Variants in TP63 observed in about 807,000 individuals in gnomAD.
The protein encoded by TP63 is tumor protein 63.
A neutral mutation model predicts 82.8 loss-of-function variants in TP63; 17 were observed. The ratio of observed to expected loss-of-function variants is 0.21; its 90% CI spans 0.14 to 0.31. TP63 has a LOEUF of 0.31. Ranked by LOEUF, TP63 falls within the 10% of genes least tolerant of loss-of-function variation. The pLI, the probability that TP63 is intolerant of heterozygous loss-of-function variation, is 1.00. For synonymous variants in TP63, 330 were observed against 321.7 expected (o/e 1.03, Z -0.28); for missense variants, 648 against 895.3 (o/e 0.72, Z 3.52).
intron 4 of TP63, among the ~76,000 whole-genome samples, chr3:189,857,522 T>G (rs1263437166): frequency 6.6e-6 from 1 of 152,160 alleles, no homozygotes; most frequent in Non-Finnish European, 1.5e-5. Context: ...TTAAGTATTT[T>G]GGGAAAGCAG....
At chr3:189,857,649 C>A (rs1467366698) in intron 4 of TP63, among the ~76,000 whole-genome samples, 2 of 152,062 alleles carry the variant, frequency 1.3e-5, no homozygotes, top group Non-Finnish European at 2.9e-5. Context: ...ACAAAAGCAA[C>A]CTAACTGACA....
the TP63 span, among the ~76,000 whole-genome samples, chr3:189,618,358 A>C: frequency 6.6e-6 from 1 of 152,284 alleles, no homozygotes; most frequent in South Asian, 2.1e-4. Flanking sequence ...TCAGCCTCCT[A>C]CTGACCCATT....
intron 1 of TP63, among the ~76,000 whole-genome samples, chr3:189,708,290 G>A (rs1577278823): frequency 6.6e-6 from 1 of 152,226 alleles, no homozygotes; most frequent in South Asian, 2.1e-4. Flanking sequence ...AGAAATACAC[G>A]GACTTAAGGA....
the TP63 span, among the ~76,000 whole-genome samples, chr3:189,620,384 A>T: frequency 6.6e-6 from 1 of 151,748 alleles, no homozygotes; most frequent in African/African-American, 2.4e-5. Flanking sequence ...TTAGCTGAGC[A>T]TGGTAGTCCC....
chr3:189,887,378 AACTC>A (rs1325528731), intron 11 of TP63, among the ~76,000 whole-genome samples: 3 of 152,110 alleles, frequency 2.0e-5, no homozygotes, highest in Non-Finnish European at 4.4e-5. Context: ...TGGCCTTTTA[AACTC>A]ACCTATTCTA....
chr3:189,750,700 C>T (rs1477924521), intron 3 of TP63, among the ~76,000 whole-genome samples: 3 of 152,102 alleles, frequency 2.0e-5, no homozygotes, highest in Non-Finnish European at 4.4e-5. Flanking sequence ...GTTAACCCCA[C>T]CATTGAGAGA....
At chr3:189,729,731 T>A (rs1384313740) in intron 1 of TP63, among the ~76,000 whole-genome samples, 1 of 152,088 alleles carries the variant, frequency 6.6e-6, no homozygotes, top group African/African-American at 2.4e-5. Context: ...AAGGAAAGAT[T>A]TCCATCTAAG....
intron 1 of TP63, among the ~76,000 whole-genome samples, chr3:189,662,581 A>C (rs1174936909): frequency 6.6e-6 from 1 of 152,072 alleles, no homozygotes; most frequent in East Asian, 1.9e-4. Context: ...TTCTGAATAA[A>C]CATCTAGTGT....
At chr3:189,866,601 C>T (rs1717756183) in intron 5 of TP63, 81 bp from the exon 6 acceptor site, 1 of 1,283,654 alleles carries the variant, frequency 7.8e-7, no homozygotes, top group Admixed American at 1.9e-5. Flanking sequence ...TTGCCACCAA[C>T]ATCCTGTTCA....
At chr3:189,604,698 G>A in the TP63 span, among the ~76,000 whole-genome samples, 4 of 152,148 alleles carry the variant, frequency 2.6e-5, no homozygotes. Context: ...TTGAGATTGA[G>A]TTTAGAAAAT....
intron 4 of TP63, among the ~76,000 whole-genome samples, chr3:189,813,564 T>G (rs1456433078): frequency 6.6e-6 from 1 of 151,674 alleles, no homozygotes. Context: ...GAGTACTCTC[T>G]GTGTGCATAC....
In TP63 at chr3:189,890,840, GGGGCTGACCACCATC is replaced by G; in HGVS notation, c.1705_1719del (p.Gly569_Ile573del). On this transcript the variant is annotated inframe_deletion, in exon 13 of 14. Coordinates refer to ENST00000264731, the MANE Select transcript of TP63 (RefSeq NM_003722.5). ...CATGTCTGGACTATTTCACGACCCA[GGGGCTGACCACCATC>G]TATCAGATTGAGCATTACTCCATGG... The G allele has an allele frequency of 6.2e-7, 1 of 1,614,020 alleles. No homozygotes were observed. The highest frequency in any genetic ancestry group is 8.5e-7 in the Non-Finnish European group (1 of 1,179,990).
chr3:189,749,554 G>A (rs779813791), intron 3 of TP63, among the ~76,000 whole-genome samples: 1 of 152,160 alleles, frequency 6.6e-6, no homozygotes. Flanking sequence ...TATTGAGGAT[G>A]CAGAGAAAAA....
the TP63 span, among the ~76,000 whole-genome samples, chr3:189,604,817 A>G: frequency 7.2e-5 from 11 of 152,220 alleles, no homozygotes; most frequent in Admixed American, 1.3e-4. Context: ...AAACTTTCAT[A>G]TAAATTATTT....
intron 3 of TP63, among the ~76,000 whole-genome samples, chr3:189,780,166 TAAAG>T (rs148395192): frequency 0.17 from 25,637 of 152,154 alleles, 2,854 homozygotes; most frequent in Middle Eastern, 0.27. Context: ...ATGTGGGTGT[TAAAG>T]AATGTGTTTG....
intron 1 of TP63, among the ~76,000 whole-genome samples, chr3:189,659,631 C>T (rs536078270): frequency 1.3e-5 from 2 of 152,156 alleles, no homozygotes; most frequent in Admixed American, 6.6e-5. Context: ...TTTGAGAAAT[C>T]TCCTAATTGC....
At position 189,807,487 on chromosome 3, in the gene TP63, G is replaced by A. The variant is rs1435695219; in HGVS notation, c.325-785G>A. 2.0e-5 allele frequency among the ~76,000 whole-genome samples: 3 copies of A among 152,276 alleles called. No homozygotes were observed. In the East Asian group the frequency reaches 5.8e-4, roughly 29 times the overall value. ...ACGTTTGGCAGAAGGAAATACATGAGCTAATGTATTTTTGAATTATATTGA... is the reference window on the plus strand; with the variant it reads ...ACGTTTGGCAGAAGGAAATACATGAACTAATGTATTTTTGAATTATATTGA... On this transcript the variant is annotated intron_variant, in intron 3 of 13. Coordinates refer to ENST00000264731, the MANE Select transcript of TP63 (RefSeq NM_003722.5).
rs1288178862 is a variant in TP63 at position 189,897,253 on chromosome 3, A to C, written c.*2751A>C. The C allele has an allele frequency of 5.1e-6, 1 of 196,164 alleles. No individual in the cohort carries two copies. Among genetic ancestry groups the C allele is most frequent in the Non-Finnish European group, 1.1e-5 (1 of 94,276 alleles). 12.2% of individuals were successfully genotyped at this position (196,164 alleles called of 1,614,324 possible). ...CCAGGACATGCAATAAAATTTAAAAAATAAATAAAAACTAATTAAGAAATT... is the reference window on the plus strand; with the variant it reads ...CCAGGACATGCAATAAAATTTAAAACATAAATAAAAACTAATTAAGAAATT... On this transcript the variant is annotated 3_prime_UTR_variant, in exon 14 of 14. Transcript: ENST00000264731.
intron 3 of TP63, among the ~76,000 whole-genome samples, chr3:189,740,188 A>G (rs1720883155): frequency 6.6e-6 from 1 of 152,216 alleles, no homozygotes; most frequent in Non-Finnish European, 1.5e-5. Context: ...AGCCAATGAA[A>G]TGAAACTATC....
Sources: gnomAD v4.1 joint callset for allele counts (sites outside exome capture counted in the v4.1 genomes callset) on GRCh38, gnomAD v4.1.1 for gene constraint, MANE v1.5 for transcripts, NCBI Gene and HGNC (gene_info 2026-07-23, HGNC 2026-07-21) for gene names.